ARHGAP29: variants seen among roughly 807,000 people sequenced by gnomAD.
ARHGAP29 encodes rho GTPase-activating protein 29.
ARHGAP29 carries 43 observed loss-of-function variants against 122.6 expected under a neutral mutation model. That is an observed-to-expected ratio of 0.35 (90% CI 0.27 to 0.45). The LOEUF (loss-of-function observed/expected upper bound fraction) is 0.45. ARHGAP29 is among the 20% of genes least tolerant of loss of function. The pLI is 1.00. For synonymous variants in ARHGAP29, 506 were observed against 497.1 expected (o/e 1.02, Z -0.24); for missense variants, 1,303 against 1,477.2 (o/e 0.88, Z 1.93).
chr1:94,256,243 C>A (rs558436149), intron 1 of ARHGAP29, among the ~76,000 whole-genome samples: 1 of 134,166 alleles, frequency 7.5e-6, no homozygotes, highest in South Asian at 2.5e-4. Flanking sequence ...TTTAAATAAT[C>A]CATTTTAATC....
At chr1:94,260,581 T>C (rs781424799) in intron 1 of ARHGAP29, among the ~76,000 whole-genome samples, 2 of 152,176 alleles carry the variant, frequency 1.3e-5, no homozygotes, top group Non-Finnish European at 2.9e-5. Flanking sequence ...ATAGCACTAA[T>C]AGGACCTTCT....
At chr1:94,274,897 C>A (rs1319663303) in intron 1 of ARHGAP29, 1 of 152,252 alleles carries the variant, frequency 6.6e-6, no homozygotes, top group Non-Finnish European at 1.5e-5. Flanking sequence ...ACCTGGAGAT[C>A]TGTTCAAATA....
At chr1:94,262,728 A>G (rs968066778) in intron 1 of ARHGAP29, among the ~76,000 whole-genome samples, 1 of 152,254 alleles carries the variant, frequency 6.6e-6, no homozygotes, top group African/African-American at 2.4e-5. Flanking sequence ...CAGAATGGCT[A>G]TTACTAAAAA....
intron 10 of ARHGAP29, 76 bp from the exon 11 acceptor site, chr1:94,202,808 GA>G: frequency 6.4e-7 from 1 of 1,550,676 alleles, no homozygotes; most frequent in Non-Finnish European, 8.7e-7. Context: ...TATTCAGCAA[GA>G]TAGTTAAGAC....
At chr1:94,280,457 T>C in the ARHGAP29 span, among the ~76,000 whole-genome samples, 5 of 151,982 alleles carry the variant, frequency 3.3e-5, no homozygotes, top group African/African-American at 1.2e-4. Context: ...GCAACAAAAA[T>C]AAATTAAAAT....
intron 19 of ARHGAP29, among the ~76,000 whole-genome samples, chr1:94,183,881 G>GTAAC (rs1480704017): frequency 6.6e-6 from 1 of 152,162 alleles, no homozygotes; most frequent in Non-Finnish European, 1.5e-5. Context: ...TTAGGGGGAT[G>GTAAC]TAACTTGGAA....
At chr1:94,206,571 G>A (rs947471347) in intron 5 of ARHGAP29, among the ~76,000 whole-genome samples, 2 of 152,124 alleles carry the variant, frequency 1.3e-5, no homozygotes, top group Middle Eastern at 3.2e-3. Flanking sequence ...TAGGCCTAGC[G>A]CAAGGCATGG....
chr1:94,250,808 C>T (rs1047193850), intron 1 of ARHGAP29, among the ~76,000 whole-genome samples: 1 of 152,110 alleles, frequency 6.6e-6, no homozygotes, highest in Admixed American at 6.5e-5. Flanking sequence ...TACTACATTT[C>T]GAACTCCAAT....
chr1:94,185,075 T>C lies in ARHGAP29; in HGVS notation c.1921-15A>G, dbSNP rs754721745. Reference sequence around the variant, plus strand: ...ACAAGGAGACACTACAAGAAAATGATAGTTTGAAACTGGTTAACCTTAAAA... The same window carrying C: ...ACAAGGAGACACTACAAGAAAATGACAGTTTGAAACTGGTTAACCTTAAAA... On this transcript the variant is annotated splice_polypyrimidine_tract_variant and intron_variant, in intron 17 of 22. Transcript: ENST00000260526. 6.7e-5 allele frequency: 108 copies of C among 1,600,156 alleles called. No homozygotes were observed. Among genetic ancestry groups the C allele is most frequent in the East Asian group, 5.2e-4 (23 of 44,618 alleles).
At chr1:94,252,689 G>A (rs1001366054) in intron 1 of ARHGAP29, among the ~76,000 whole-genome samples, 1 of 151,076 alleles carries the variant, frequency 6.6e-6, no homozygotes, top group Non-Finnish European at 1.5e-5. Context: ...CCATGGCCTC[G>A]TAAGTATTCT....
At chr1:94,247,916 G>A (rs1263982247) in intron 1 of ARHGAP29, 4 of 122,372 alleles carry the variant, frequency 3.3e-5, no homozygotes, top group African/African-American at 1.4e-4. Context: ...TCCCAACCGC[G>A]GCCGCGTCGG....
chr1:94,228,288 A>G (rs1433656961), intron 2 of ARHGAP29, among the ~76,000 whole-genome samples: 3 of 151,782 alleles, frequency 2.0e-5, no homozygotes, highest in African/African-American at 7.2e-5. Context: ...TTTTCATATA[A>G]TTTGAAAACA....
chr1:94,185,246 A>G, intron 17 of ARHGAP29, 96 bp downstream of exon 17: 1 of 1,361,110 alleles, frequency 7.3e-7, no homozygotes, highest in Admixed American at 2.6e-5. Context: ...TTTATTAAAC[A>G]TATATTTGCA....
At chr1:94,182,750 G>A (rs1343811819) in intron 19 of ARHGAP29, among the ~76,000 whole-genome samples, 1 of 152,012 alleles carries the variant, frequency 6.6e-6, no homozygotes. Context: ...GATAAATAAG[G>A]TTTTAAATAT....
chr1:94,304,441 C>G, the ARHGAP29 span, among the ~76,000 whole-genome samples: 1 of 152,354 alleles, frequency 6.6e-6, no homozygotes, highest in Non-Finnish European at 1.5e-5. Context: ...CACCTGGCCT[C>G]TACCCATCTT....
At position 94,184,806 on chromosome 1, in the gene ARHGAP29, T is replaced by A. The variant is rs924857119; in HGVS notation, c.2109+66A>T. 4 of 1,285,718 alleles carry A rather than the reference T, an allele frequency of 3.1e-6. No homozygotes were observed. In the South Asian group the frequency reaches 4.6e-5, roughly 15 times the overall value. The allele number at this position is 1,285,718 out of a possible 1,614,324, so 79.6% of individuals were successfully genotyped here. ...CTGAGCATTATTTTCCTTTAAAGTC[T>A]CCTTTTCATTAGAATAGGTTACACA... On this transcript the variant is annotated intron_variant, in intron 18 of 22. Transcript: ENST00000260526.
At chr1:94,234,626 C>T (rs1653136393) in intron 1 of ARHGAP29, among the ~76,000 whole-genome samples, 1 of 152,176 alleles carries the variant, frequency 6.6e-6, no homozygotes, top group Non-Finnish European at 1.5e-5. Context: ...TCCTTATATG[C>T]ATACATCATT....
At chr1:94,249,763 A>T (rs1231376139) in intron 1 of ARHGAP29, among the ~76,000 whole-genome samples, 1 of 152,110 alleles carries the variant, frequency 6.6e-6, no homozygotes, top group Admixed American at 6.5e-5. Flanking sequence ...AAAAAAAAAA[A>T]AGAAAGAAAA....
At chr1:94,215,762 C>T in intron 3 of ARHGAP29, among the ~76,000 whole-genome samples, 1 of 151,710 alleles carries the variant, frequency 6.6e-6, no homozygotes, top group East Asian at 1.9e-4. Context: ...AATGTTAATG[C>T]AAAAATAAAA....
Sources: allele counts gnomAD v4.1 joint callset (sites outside exome capture counted in the v4.1 genomes callset), GRCh38; gene constraint gnomAD v4.1.1; transcripts MANE v1.5; gene names NCBI Gene and HGNC (gene_info 2026-07-23, HGNC 2026-07-21).